The following SMC1B variants were observed in gnomAD, a reference collection of about 807,000 sequenced individuals.
SMC1B encodes the protein structural maintenance of chromosomes 1B, also known as structural maintenance of chromosomes protein 1B.
Under a neutral mutation model 157.9 loss-of-function variants are expected in SMC1B, and 60 were observed. The ratio of observed to expected loss-of-function variants is 0.38; its 90% CI spans 0.31 to 0.47. The LOEUF is 0.47. Ranked by LOEUF, SMC1B falls within the 20% of genes least tolerant of loss-of-function variation. The probability of loss-of-function intolerance (pLI) is 0.99; values close to 1 mark genes in which losing one functional copy is unlikely to be tolerated. For synonymous variants in SMC1B, 445 were observed against 483.0 expected (o/e 0.92, Z 1.03); for missense variants, 1,165 against 1,426.2 (o/e 0.82, Z 2.95).
At chr22:45,410,601 GCTGAGGCAGAAGAATCACTTGGATC>G (rs1004794639) in intron 1 of SMC1B, among the ~76,000 whole-genome samples, 2 of 152,172 alleles carry the variant, frequency 1.3e-5, no homozygotes, top group African/African-American at 4.8e-5. Flanking sequence ...TACTCGGGAG[GCTGAGGCAGAAGAATCACTTGGATC>G]CAGAAGGCAG....
intron 4 of SMC1B, among the ~76,000 whole-genome samples, chr22:45,403,511 T>C (rs1285518487): frequency 6.6e-6 from 1 of 152,198 alleles, no homozygotes; most frequent in South Asian, 2.1e-4. Context: ...TGGAATGCAA[T>C]GGCACGATCA....
At chr22:45,389,220 T>C (rs1229540518) in intron 10 of SMC1B, among the ~76,000 whole-genome samples, 1 of 152,128 alleles carries the variant, frequency 6.6e-6, no homozygotes, top group Non-Finnish European at 1.5e-5. Flanking sequence ...ATATCAATCA[T>C]GATATGACAG....
intron 22 of SMC1B, among the ~76,000 whole-genome samples, chr22:45,350,250 AGTT>A (rs930794850): frequency 1.0e-3 from 119 of 117,768 alleles, no homozygotes; most frequent in African/African-American, 2.9e-3. Flanking sequence ...CTGTCTCCTG[AGTT>A]CTTTTTTTTT....
chr22:45,369,603 C>T (rs187136754), intron 15 of SMC1B, among the ~76,000 whole-genome samples: 28 of 142,708 alleles, frequency 2.0e-4, no homozygotes, highest in African/African-American at 5.2e-4. Context: ...AGTGCAGTGG[C>T]GCAATCTCCG....
chr22:45,394,462 A>G (rs2087099536), intron 8 of SMC1B, among the ~76,000 whole-genome samples: 1 of 152,118 alleles, frequency 6.6e-6, no homozygotes, highest in African/African-American at 2.4e-5. Context: ...CAACATGGTG[A>G]AACCCCATCT....
intron 23 of SMC1B, among the ~76,000 whole-genome samples, chr22:45,346,094 A>G (rs1384690236): frequency 6.6e-6 from 1 of 151,446 alleles, no homozygotes; most frequent in Non-Finnish European, 1.5e-5. Context: ...AATCCCAGCT[A>G]CTCGGGAGGC....
intron 18 of SMC1B, 122 bp downstream of exon 18, chr22:45,359,683 C>T (rs996158733): frequency 9.5e-7 from 1 of 1,057,114 alleles, no homozygotes; most frequent in Non-Finnish European, 1.3e-6. Flanking sequence ...TGCCCTTTTT[C>T]CCTCCTATGA....
intron 6 of SMC1B, among the ~76,000 whole-genome samples, chr22:45,398,450 G>A (rs1185813449): frequency 1.3e-5 from 2 of 152,190 alleles, no homozygotes; most frequent in African/African-American, 4.8e-5. Flanking sequence ...CTGACAGGGT[G>A]TCTCCTGCAG....
At position 45,354,260 on chromosome 22, in the gene SMC1B, A is replaced by G. The variant is rs1318693392; in HGVS notation, c.3119-128T>C. ...TCTCTTGAGTAAAGGTACCTTCAAA[A>G]TACCTAAACTATTATTAATTCCAAG... On this transcript the variant is annotated intron_variant, in intron 20 of 24. Transcript: ENST00000357450. The G allele has an allele frequency of 4.7e-6, 3 of 635,360 alleles. No individual in the cohort carries two copies. In the East Asian group the frequency reaches 9.2e-5, roughly 20 times the overall value. 39.4% of individuals were successfully genotyped at this position (635,360 alleles called of 1,614,324 possible). A position where few individuals can be genotyped will look rare whatever the true frequency, so the allele number is the denominator to read the frequency against.
intron 22 of SMC1B, among the ~76,000 whole-genome samples, chr22:45,350,615 C>T (rs946225061): frequency 1.3e-5 from 2 of 152,190 alleles, no homozygotes; most frequent in African/African-American, 4.8e-5. Context: ...CAACTACTTT[C>T]TCTACAATTC....
intron 19 of SMC1B, among the ~76,000 whole-genome samples, chr22:45,355,578 C>T (rs1324895486): frequency 2.0e-5 from 3 of 152,098 alleles, no homozygotes; most frequent in East Asian, 3.9e-4. Flanking sequence ...TTCAGCCTCC[C>T]GAGTAGCTGG....
chr22:45,388,241 ATG>A (rs2087012105), intron 10 of SMC1B, among the ~76,000 whole-genome samples: 1 of 152,064 alleles, frequency 6.6e-6, no homozygotes, highest in Non-Finnish European at 1.5e-5. Context: ...TACAACTAAA[ATG>A]TGTGTGTGTA....
chr22:45,390,577 C>A (rs192033657), intron 9 of SMC1B, among the ~76,000 whole-genome samples: 4 of 152,080 alleles, frequency 2.6e-5, no homozygotes, highest in Non-Finnish European at 5.9e-5. Context: ...TGGTGGCGCA[C>A]GCCTGCAGTT....
rs941961789 is a variant in SMC1B, at chr22:45,377,850, C to T, written c.2059-5558G>A. Among the ~76,000 whole-genome samples the T allele has an allele frequency of 2.6e-5, 4 of 151,224 alleles. 1 individual carries two copies. Among genetic ancestry groups the T allele is most frequent in the South Asian group, 4.2e-4 (2 of 4,798 alleles). The stretch of plus-strand genomic sequence containing the variant: ...CACGCCTGGCCAGTTGTTCTAATTG[C>T]TTTCCTTTTTTTTTTTGAGACAGGG... On this transcript the variant is annotated intron_variant, in intron 12 of 24. Transcript: ENST00000357450.
chr22:45,359,926 C>T lies in SMC1B; in HGVS notation c.2741G>A (p.Ser914Asn), dbSNP rs916279422. The T allele has an allele frequency of 3.1e-6, 5 of 1,613,518 alleles. No individual in the cohort carries two copies. The highest frequency in any genetic ancestry group is 1.7e-6 in the Non-Finnish European group (2 of 1,179,796). Reference sequence around the variant, plus strand: ...TTTCTGTTCCAGAGAAGTTTGAATACTTACAACTTCTTTTTGCAATTTCCC... The same window carrying T: ...TTTCTGTTCCAGAGAAGTTTGAATATTTACAACTTCTTTTTGCAATTTCCC... ...EVGKLQKEVV[S>N]IQTSLEQKRL... Residue 914 changes from serine (S) to asparagine (N), a missense_variant, in exon 18 of 25, where the codon AGT becomes AAT. By Grantham distance (46) the Ser-to-Asn change is conservative (BLOSUM62 1). Transcript: ENST00000357450.
intron 24 of SMC1B, among the ~76,000 whole-genome samples, chr22:45,345,186 C>T (rs555860217): frequency 4.5e-4 from 69 of 152,284 alleles, no homozygotes; most frequent in African/African-American, 8.4e-4. Flanking sequence ...GTTAACAGTT[C>T]GTGTAAATTA....
intron 1 of SMC1B, 133 bp from the exon 2 acceptor site, chr22:45,409,031 T>C: frequency 1.8e-6 from 1 of 555,604 alleles, no homozygotes; most frequent in Non-Finnish European, 3.2e-6. Context: ...ATGTTCAAAA[T>C]GCATGACTGA....
intron 20 of SMC1B, 120 bp from the exon 21 acceptor site, chr22:45,354,252 C>A: frequency 2.9e-6 from 2 of 698,276 alleles, no homozygotes. Flanking sequence ...AGTAAAGGTA[C>A]CTTCAAAATA....
In SMC1B at chr22:45,389,698, T is replaced by C; in HGVS notation, c.1731+14A>G. 6.2e-7 allele frequency: 1 copy of C among 1,606,158 alleles called. No individual in the cohort carries two copies. The highest frequency in any genetic ancestry group is 8.5e-7 in the Non-Finnish European group (1 of 1,174,546). ...TTTTATCACTATAAATACCAGGCAT[T>C]ACAAAGTTCTTACATCAAGGTAATC... On this transcript the variant is annotated intron_variant, in intron 10 of 24. Coordinates refer to ENST00000357450, the MANE Select transcript of SMC1B (RefSeq NM_148674.5).
Sources: gnomAD v4.1 joint callset for allele counts (sites outside exome capture counted in the v4.1 genomes callset) on GRCh38, gnomAD v4.1.1 for gene constraint, MANE v1.5 for transcripts, NCBI Gene and HGNC (gene_info 2026-07-23, HGNC 2026-07-21) for gene names.